Variants in ABI3BP observed in about 807,000 individuals in gnomAD.
The protein encoded by ABI3BP is target of Nesh-SH3.
Under a neutral mutation model 268.6 loss-of-function variants are expected in ABI3BP, and 216 were observed. That is an observed-to-expected ratio of 0.80 (90% CI 0.72 to 0.90). The LOEUF is 0.90. Among genes scored for constraint, ABI3BP ranks in the 40% least tolerant of loss-of-function variants. The pLI is 0.00. For missense variants in ABI3BP, 2,090 were observed against 2,182.4 expected (o/e 0.96, Z 0.84); for synonymous variants, 730 against 730.0 (o/e 1.00, Z 0.00).
At chr3:100,834,558 G>A in intron 29 of ABI3BP, 126 bp downstream of exon 29, 1 of 789,786 alleles carries the variant, frequency 1.3e-6, no homozygotes, top group Non-Finnish European at 2.0e-6. Context: ...GTTGGTAGCA[G>A]CTGCTTTCCA....
Position 100,851,957 on chromosome 3 carries a change from AG to A in ABI3BP, c.1286-18del. On this transcript the variant is annotated intron_variant, in intron 14 of 67. Coordinates refer to ENST00000471714, the MANE Select transcript of ABI3BP (RefSeq NM_001375547.2). ...CATAAGTTGCTTAAAAAAAAAAAAA[AG>A]GCAAAACAAGAGAGATGTTAATTTT... The A allele has an allele frequency of 6.7e-7, 1 of 1,502,296 alleles. No homozygotes were observed. The highest frequency in any genetic ancestry group is 9.0e-7 in the Non-Finnish European group (1 of 1,113,726). 93.1% of individuals were successfully genotyped at this position (1,502,296 alleles called of 1,614,324 possible). A position where few individuals can be genotyped will look rare whatever the true frequency, so the allele number is the denominator to read the frequency against.
At chr3:100,819,157 C>T (rs972064104) in intron 40 of ABI3BP, among the ~76,000 whole-genome samples, 6 of 152,210 alleles carry the variant, frequency 3.9e-5, no homozygotes, top group Non-Finnish European at 7.4e-5. Context: ...TGCAAACTTC[C>T]GAGTCATATC....
intron 46 of ABI3BP, among the ~76,000 whole-genome samples, 181 bp downstream of exon 46, chr3:100,812,286 C>T (rs1245981501): frequency 1.3e-5 from 2 of 152,126 alleles, no homozygotes; most frequent in Non-Finnish European, 2.9e-5. Context: ...CATAGCAATA[C>T]AGCAGATGTG....
intron 54 of ABI3BP, among the ~76,000 whole-genome samples, chr3:100,793,391 T>C (rs1178638713): frequency 6.6e-6 from 1 of 152,028 alleles, no homozygotes; most frequent in Non-Finnish European, 1.5e-5. Context: ...ATACTTGGTA[T>C]AAATGATACA....
intron 4 of ABI3BP, among the ~76,000 whole-genome samples, chr3:100,892,739 A>C (rs990047375): frequency 6.6e-6 from 1 of 152,238 alleles, no homozygotes; most frequent in Admixed American, 6.5e-5. Context: ...GGTTCCCTAC[A>C]TGACTTGCAT....
chr3:100,892,393 C>T lies in ABI3BP; in HGVS notation c.462-6070G>A, dbSNP rs138145261. ...TATAGGATATGGGTACCAAAGAAAG[C>T]GAAAAAAGTTAAAACTGATTTTTCA... is the stretch of plus-strand genomic sequence containing the variant. On this transcript the variant is annotated intron_variant, in intron 4 of 67. Coordinates refer to ENST00000471714, the MANE Select transcript of ABI3BP (RefSeq NM_001375547.2). Among the ~76,000 whole-genome samples, 64 of 151,560 alleles carry T rather than the reference C, an allele frequency of 4.2e-4. 1 individual carries two copies. The East Asian group carries it at 9.2e-3, about 22-fold the overall frequency.
At chr3:100,863,038 T>C (rs1047049218) in intron 12 of ABI3BP, 129 bp from the exon 13 acceptor site, 1 of 630,682 alleles carries the variant, frequency 1.6e-6, no homozygotes, top group Non-Finnish European at 2.7e-6. Flanking sequence ...CCATTAGTAG[T>C]ATTTCTTACA....
At chr3:100,993,146 A>G (rs1393804593) in intron 1 of ABI3BP, among the ~76,000 whole-genome samples, 160 bp downstream of exon 1, 2 of 152,236 alleles carry the variant, frequency 1.3e-5, no homozygotes, top group African/African-American at 4.8e-5. Flanking sequence ...AGGAGGGGAA[A>G]GTAAAAGTTT....
chr3:100,986,453 G>T (rs966079223), intron 1 of ABI3BP, among the ~76,000 whole-genome samples: 3 of 152,052 alleles, frequency 2.0e-5, no homozygotes, highest in African/African-American at 7.2e-5. Context: ...TTTGTTATAA[G>T]AAAAAGATAA....
chr3:100,954,444 C>A (rs534745603), intron 1 of ABI3BP, among the ~76,000 whole-genome samples: 1 of 152,302 alleles, frequency 6.6e-6, no homozygotes, highest in Admixed American at 6.5e-5. Context: ...GGCTTATTTT[C>A]ACGTACATGC....
rs2095190430 is a variant in ABI3BP at position 100,749,276 on chromosome 3, T to TAAAAGGTATAGTTGATTTGATTTTCCTTC, written c.*1218_*1219insGAAGGAAAATCAAATCAACTATACCTTTT. The stretch of plus-strand genomic sequence containing the variant: ...AAAACTTAGTGATTTTCCTTCTCGA[T>TAAAAGGTATAGTTGATTTGATTTTCCTTC]AAAAGGTATAGTTAACATACTGATG... On this transcript the variant is annotated 3_prime_UTR_variant, in exon 68 of 68. Coordinates refer to ENST00000471714, the MANE Select transcript of ABI3BP (RefSeq NM_001375547.2). 8 of 197,278 alleles carry TAAAAGGTATAGTTGATTTGATTTTCCTTC rather than the reference T, an allele frequency of 4.1e-5. 1 individual carries two copies. The highest frequency in any genetic ancestry group is 3.6e-3 in the Middle Eastern group (2 of 558). The allele number at this position is 197,278 out of a possible 1,614,324, so 12.2% of individuals were successfully genotyped here. A position where few individuals can be genotyped will look rare whatever the true frequency, so the allele number is the denominator to read the frequency against.
intron 4 of ABI3BP, among the ~76,000 whole-genome samples, chr3:100,887,959 A>G (rs1221890984): frequency 6.6e-6 from 1 of 152,064 alleles, no homozygotes; most frequent in Non-Finnish European, 1.5e-5. Flanking sequence ...ATTAAACCAA[A>G]TTTGGGCTCT....
At chr3:100,844,361 T>C (rs1275096403) in intron 20 of ABI3BP, 1 of 985,274 alleles carries the variant, frequency 1.0e-6, no homozygotes, top group Non-Finnish European at 1.2e-6. Context: ...AGTTAAGACA[T>C]GGTAGGTGGC....
intron 32 of ABI3BP, among the ~76,000 whole-genome samples, chr3:100,830,328 G>T (rs2098470371): frequency 6.6e-6 from 1 of 151,496 alleles, no homozygotes; most frequent in Non-Finnish European, 1.5e-5. Context: ...TGGTTAAAAT[G>T]TTATGTGGGG....
chr3:100,985,949 G>GT (rs1562314743), intron 1 of ABI3BP, among the ~76,000 whole-genome samples: 1 of 152,168 alleles, frequency 6.6e-6, no homozygotes, highest in African/African-American at 2.4e-5. Context: ...TGAGCTCTTT[G>GT]TGGTGGATAG....
At chr3:100,834,195 T>C (rs1357334232) in intron 29 of ABI3BP, among the ~76,000 whole-genome samples, 2 of 152,194 alleles carry the variant, frequency 1.3e-5, no homozygotes, top group East Asian at 1.9e-4. Flanking sequence ...ATTACACTTA[T>C]CAGCCCACAG....
At chr3:100,911,994 A>G in intron 2 of ABI3BP, 2 of 795,134 alleles carry the variant, frequency 2.5e-6, no homozygotes, top group Non-Finnish European at 4.5e-6. Context: ...AGCATGGAAT[A>G]TATTTCTGAA....
intron 1 of ABI3BP, chr3:100,930,870 C>T (rs1320925065): frequency 1.3e-5 from 2 of 152,040 alleles, no homozygotes; most frequent in African/African-American, 2.4e-5. Context: ...AATACCAAAA[C>T]CTGGCAGAAA....
At position 100,753,697 on chromosome 3, in the gene ABI3BP, T is replaced by C. The variant is rs995026502; in HGVS notation, c.4960+122A>G. 1.3e-5 allele frequency: 13 copies of C among 1,024,280 alleles called. No homozygotes were observed. The African/African-American group carries it at 2.1e-4, about 16-fold the overall frequency. 63.4% of individuals were successfully genotyped at this position (1,024,280 alleles called of 1,614,324 possible). A position where few individuals can be genotyped will look rare whatever the true frequency, so the allele number is the denominator to read the frequency against. On this transcript the variant is annotated intron_variant, in intron 65 of 67. Transcript: ENST00000471714. ...ATGTGTAGGTAAACATTCACAACTG[T>C]TTGGTGTTATAAGAAGACTAAGTGG...
Sources: gnomAD v4.1 joint callset for allele counts (sites outside exome capture counted in the v4.1 genomes callset) on GRCh38, gnomAD v4.1.1 for gene constraint, MANE v1.5 for transcripts, NCBI Gene and HGNC (gene_info 2026-07-23, HGNC 2026-07-21) for gene names.